FAM13C: variants seen among roughly 807,000 people sequenced by gnomAD.
The protein encoded by FAM13C is family with sequence similarity 13 member C, also known as protein FAM13C.
In FAM13C, 37 loss-of-function variants were observed where a neutral mutation model predicts 73.2. The observed-to-expected ratio is 0.51, with a 90% CI of 0.39 to 0.67. FAM13C has a LOEUF of 0.67. FAM13C is among the 30% of genes least tolerant of loss of function. The pLI is 0.00. For missense variants in FAM13C, 589 were observed against 715.6 expected, an observed-to-expected ratio of 0.82 and a Z score of 2.02; for synonymous variants, 246 against 260.9, an observed-to-expected ratio of 0.94 and a Z score of 0.55.
chr10:59,313,898 A>G (rs957666255), intron 4 of FAM13C, among the ~76,000 whole-genome samples: 1 of 152,244 alleles, frequency 6.6e-6, no homozygotes, highest in Admixed American at 6.5e-5. Flanking sequence ...CTAAGAATCA[A>G]TAAGCAGAAA....
In FAM13C at chr10:59,251,567, A is replaced by T. The variant is rs763695937; in HGVS notation, c.1634+8T>A. 61 of 1,611,190 alleles carry T rather than the reference A, an allele frequency of 3.8e-5. No homozygotes were observed. The South Asian group carries it at 6.0e-4, about 16-fold the overall frequency. On this transcript the variant is annotated splice_region_variant and intron_variant, in intron 13 of 13. Transcript: ENST00000618804. ...ATTAGCTTTAAAAATCTCTCTGCCG[A>T]CACATACCTTCCTGTTTGTTTAAAA...
chr10:59,353,875 C>T (rs942476875), intron 2 of FAM13C, among the ~76,000 whole-genome samples: 1 of 152,218 alleles, frequency 6.6e-6, no homozygotes, highest in Admixed American at 6.5e-5. Flanking sequence ...CAAATCAATG[C>T]CAATGACACT....
At chr10:59,341,739 C>T (rs1489486570) in intron 3 of FAM13C, among the ~76,000 whole-genome samples, 3 of 152,156 alleles carry the variant, frequency 2.0e-5, no homozygotes, top group South Asian at 2.1e-4. Context: ...GTGGCCACAA[C>T]TGATAAGCAG....
intron 7 of FAM13C, 51 bp downstream of exon 7, chr10:59,269,848 G>T: frequency 6.3e-7 from 1 of 1,581,248 alleles, no homozygotes; most frequent in Non-Finnish European, 8.6e-7. Context: ...TATAAATGTG[G>T]TATTTGAAAA....
rs1452351921 is a variant in FAM13C, at chr10:59,268,685, C to T, written c.810G>A (p.Arg270=). ...PPSTQQFMMP[R]SSSRCSCGDG... Reference sequence around the variant, plus strand: ...CTCCACAGCTGCAGCGTGAAGAACTCCGCGGCCTGCAGTGATTACAAGGAG... The same window carrying T: ...CTCCACAGCTGCAGCGTGAAGAACTTCGCGGCCTGCAGTGATTACAAGGAG... The change falls in exon 8 of 14, where the codon CGG becomes CGA. Residue 270 remains arginine, a synonymous_variant. Coordinates refer to ENST00000618804, the MANE Select transcript of FAM13C (RefSeq NM_198215.4). 1 of 1,611,982 alleles carries T rather than the reference C, an allele frequency of 6.2e-7. No homozygotes were observed. The highest frequency in any genetic ancestry group is 1.7e-5 in the Admixed American group (1 of 59,946).
chr10:59,272,622 G>A (rs1317660236), intron 6 of FAM13C, among the ~76,000 whole-genome samples: 7 of 152,194 alleles, frequency 4.6e-5, no homozygotes, highest in African/African-American at 1.7e-4. Context: ...CTCATCCTGC[G>A]ATGCAGTATG....
intron 6 of FAM13C, among the ~76,000 whole-genome samples, chr10:59,271,537 G>A (rs1020150854): frequency 6.6e-6 from 1 of 152,136 alleles, no homozygotes; most frequent in Non-Finnish European, 1.5e-5. Flanking sequence ...GAGGCAAATG[G>A]CAGTGCCTCC....
intron 6 of FAM13C, among the ~76,000 whole-genome samples, chr10:59,278,270 C>T (rs1325038628): frequency 6.6e-6 from 1 of 152,176 alleles, no homozygotes; most frequent in Non-Finnish European, 1.5e-5. Flanking sequence ...AACCATATCA[C>T]CAGTTACATC....
intron 4 of FAM13C, among the ~76,000 whole-genome samples, chr10:59,306,780 C>G (rs903196972): frequency 6.6e-6 from 1 of 152,204 alleles, no homozygotes; most frequent in African/African-American, 2.4e-5. Flanking sequence ...GAGGCTGAGG[C>G]AGGAGAATTG....
At chr10:59,310,482 C>T (rs182585922) in intron 4 of FAM13C, among the ~76,000 whole-genome samples, 1 of 152,038 alleles carries the variant, frequency 6.6e-6, no homozygotes, top group African/African-American at 2.4e-5. Context: ...AGAGTCGAAG[C>T]CACATTGAAG....
intron 3 of FAM13C, among the ~76,000 whole-genome samples, chr10:59,333,735 A>G (rs1466428777): frequency 6.6e-6 from 1 of 152,198 alleles, no homozygotes; most frequent in East Asian, 1.9e-4. Context: ...GTTTAGCAAG[A>G]ATCAAATTAT....
At chr10:59,279,592 G>T (rs1334488099) in intron 6 of FAM13C, among the ~76,000 whole-genome samples, 1 of 152,116 alleles carries the variant, frequency 6.6e-6, no homozygotes, top group Non-Finnish European at 1.5e-5. Flanking sequence ...CAGAACAAAG[G>T]CTACTATGCT....
At chr10:59,293,506 CT>C (rs1195635946) in intron 5 of FAM13C, among the ~76,000 whole-genome samples, 1 of 152,098 alleles carries the variant, frequency 6.6e-6, no homozygotes, top group East Asian at 1.9e-4. Context: ...ATATTTCACT[CT>C]TTTTTATGAC....
intron 3 of FAM13C, among the ~76,000 whole-genome samples, chr10:59,327,874 T>A (rs1851394406): frequency 6.6e-6 from 1 of 152,136 alleles, no homozygotes; most frequent in Admixed American, 6.5e-5. Context: ...AGAGAGCAGA[T>A]TCTAACTTTT....
chr10:59,297,391 G>C (rs1315968055), intron 5 of FAM13C: 1 of 152,202 alleles, frequency 6.6e-6, no homozygotes, highest in Non-Finnish European at 1.5e-5. Flanking sequence ...AAATGGGGAA[G>C]CAAGGTGGGA....
chr10:59,325,654 T>C (rs1198147978), intron 3 of FAM13C, among the ~76,000 whole-genome samples: 1 of 152,150 alleles, frequency 6.6e-6, no homozygotes, highest in East Asian at 1.9e-4. Context: ...ACATAAGTTA[T>C]CTGGGCTCAG....
At chr10:59,311,415 G>A (rs1848905115) in intron 4 of FAM13C, among the ~76,000 whole-genome samples, 1 of 152,192 alleles carries the variant, frequency 6.6e-6, no homozygotes, top group East Asian at 1.9e-4. Context: ...AATTATAGCA[G>A]CACCTGGTTT....
intron 6 of FAM13C, among the ~76,000 whole-genome samples, chr10:59,277,168 T>C (rs1374501514): frequency 6.6e-6 from 1 of 152,126 alleles, no homozygotes; most frequent in African/African-American, 2.4e-5. Context: ...CAGCTACTCC[T>C]AACAAATAAC....
chr10:59,351,737 T>C (rs969178670), intron 3 of FAM13C, among the ~76,000 whole-genome samples: 1 of 152,198 alleles, frequency 6.6e-6, no homozygotes, highest in Non-Finnish European at 1.5e-5. Flanking sequence ...GGCTCACGCC[T>C]GTTCGCAGCA....
Sources: gnomAD v4.1 joint callset for allele counts (sites outside exome capture counted in the v4.1 genomes callset) on GRCh38, gnomAD v4.1.1 for gene constraint, MANE v1.5 for transcripts, NCBI Gene and HGNC (gene_info 2026-07-23, HGNC 2026-07-21) for gene names.